The following PBX3 variants were observed in gnomAD, a reference collection of about 807,000 sequenced individuals.
PBX3 encodes pre-B-cell leukemia transcription factor 3.
In PBX3, 14 loss-of-function variants were observed where a neutral mutation model predicts 48.5. The observed-to-expected ratio is 0.29, with a 90% confidence interval of 0.19 to 0.45. The LOEUF (loss-of-function observed/expected upper bound fraction) is 0.45, where lower values mean the gene tolerates loss of function less well. Among genes scored for constraint, PBX3 ranks in the 20% least tolerant of loss-of-function variants. The pLI is 1.00. For missense variants in PBX3, 386 were observed against 546.7 expected (o/e 0.71, Z 2.93); for synonymous variants, 210 against 200.3 (o/e 1.05, Z -0.41).
intron 2 of PBX3, among the ~76,000 whole-genome samples, chr9:125,816,983 T>G (rs1477951415): frequency 6.6e-6 from 1 of 152,220 alleles, no homozygotes; most frequent in African/African-American, 2.4e-5. Flanking sequence ...TTTCTGCAGT[T>G]AATGTATCTG....
At chr9:125,837,594 A>G (rs1588203733) in intron 2 of PBX3, among the ~76,000 whole-genome samples, 2 of 152,220 alleles carry the variant, frequency 1.3e-5, no homozygotes, top group African/African-American at 4.8e-5. Context: ...CTAAATGATA[A>G]TACTTAAGGT....
chr9:125,781,484 C>T lies in PBX3; in HGVS notation c.274+32861C>T, dbSNP rs543325428. On this transcript the variant is annotated intron_variant, in intron 2 of 8. Transcript: ENST00000373489. ...AGATGGCAGCAGTACAGTCCAGCTT[C>T]GGCTAGGCATCAGAGGGAGACCATG... Among the ~76,000 whole-genome samples the T allele has an allele frequency of 2.9e-3, 422 of 144,390 alleles. 1 individual carries two copies. Among genetic ancestry groups the T allele is most frequent in the Middle Eastern group, 7.1e-3 (2 of 282 alleles). The allele number at this position is 144,390 out of a possible 152,430, so 94.7% of individuals were successfully genotyped here. A position where few individuals can be genotyped will look rare whatever the true frequency, so the allele number is the denominator to read the frequency against.
intron 4 of PBX3, among the ~76,000 whole-genome samples, chr9:125,934,385 A>T (rs908638087): frequency 5.9e-5 from 9 of 152,214 alleles, no homozygotes; most frequent in Non-Finnish European, 1.3e-4. Flanking sequence ...TATTTGGAAG[A>T]AAGTATTAAG....
intron 2 of PBX3, among the ~76,000 whole-genome samples, chr9:125,904,735 T>C (rs1423553578): frequency 6.6e-6 from 1 of 151,868 alleles, no homozygotes. Context: ...ACAGGGTGAT[T>C]CCAGGGTATC....
chr9:125,818,541 A>G (rs10986950), intron 2 of PBX3, among the ~76,000 whole-genome samples: 8,996 of 151,972 alleles, frequency 0.059, 613 homozygotes, highest in East Asian at 0.17. Flanking sequence ...GTAGAGACAG[A>G]GTTTCTCCAT....
intron 5 of PBX3, among the ~76,000 whole-genome samples, chr9:125,958,317 C>T (rs1271527781): frequency 2.0e-5 from 3 of 152,180 alleles, no homozygotes; most frequent in Non-Finnish European, 2.9e-5. Context: ...ATGGCTTCCT[C>T]GCTTATATAC....
intron 2 of PBX3, among the ~76,000 whole-genome samples, chr9:125,835,288 G>T (rs1839099964): frequency 6.6e-6 from 1 of 152,140 alleles, no homozygotes; most frequent in Non-Finnish European, 1.5e-5. Flanking sequence ...GTAGGAGGAA[G>T]AGGAGACACA....
chr9:125,900,692 CA>C (rs1840925008), intron 2 of PBX3, among the ~76,000 whole-genome samples: 1 of 151,726 alleles, frequency 6.6e-6, no homozygotes, highest in Non-Finnish European at 1.5e-5. Context: ...TGCGTACACT[CA>C]TGGTATTATT....
At chr9:125,793,366 A>AAAAAAATATATATATATATAT (rs59271982) in intron 2 of PBX3, among the ~76,000 whole-genome samples, 23 of 101,934 alleles carry the variant, frequency 2.3e-4, no homozygotes, top group African/African-American at 8.9e-4. Context: ...GGAAAAAAAA[A>AAAAAAATATATATATATATAT]ATATATATAT....
At chr9:125,775,079 C>G (rs969927113) in intron 2 of PBX3, among the ~76,000 whole-genome samples, 1 of 152,118 alleles carries the variant, frequency 6.6e-6, no homozygotes, top group South Asian at 2.1e-4. Flanking sequence ...GTTGGCCAGG[C>G]TGGTCTCAAA....
At chr9:125,896,731 C>T (rs1840777424) in intron 2 of PBX3, among the ~76,000 whole-genome samples, 1 of 151,960 alleles carries the variant, frequency 6.6e-6, no homozygotes, top group African/African-American at 2.4e-5. Flanking sequence ...TGCCTGATTG[C>T]TGACAAGTTC....
chr9:125,783,423 G>A (rs1332401219), intron 2 of PBX3, among the ~76,000 whole-genome samples: 1 of 152,002 alleles, frequency 6.6e-6, no homozygotes, highest in African/African-American at 2.4e-5. Flanking sequence ...GAGTAGCTGG[G>A]ACTACAGGTG....
intron 5 of PBX3, among the ~76,000 whole-genome samples, chr9:125,940,408 A>G (rs1841935240): frequency 6.6e-6 from 1 of 152,234 alleles, no homozygotes; most frequent in Non-Finnish European, 1.5e-5. Context: ...TTCGTTTAAT[A>G]AACATTTATT....
At chr9:125,848,114 T>A (rs1203074676) in intron 2 of PBX3, among the ~76,000 whole-genome samples, 2 of 152,036 alleles carry the variant, frequency 1.3e-5, no homozygotes, top group Non-Finnish European at 2.9e-5. Context: ...TATTTCCATC[T>A]CTGCTTTAGA....
chr9:125,808,516 A>C (rs1458786797), intron 2 of PBX3, among the ~76,000 whole-genome samples: 1 of 152,118 alleles, frequency 6.6e-6, no homozygotes, highest in Non-Finnish European at 1.5e-5. Flanking sequence ...AATTTAAAAA[A>C]TTAGCCAGGT....
At chr9:125,787,261 GAGA>G (rs1372432059) in intron 2 of PBX3, among the ~76,000 whole-genome samples, 1 of 152,016 alleles carries the variant, frequency 6.6e-6, no homozygotes, top group Non-Finnish European at 1.5e-5. Flanking sequence ...GGCTGATGTA[GAGA>G]AGTTTATAAG....
At chr9:125,965,173 T>A (rs528989379) in intron 8 of PBX3, among the ~76,000 whole-genome samples, 1 of 152,288 alleles carries the variant, frequency 6.6e-6, no homozygotes, top group South Asian at 2.1e-4. Flanking sequence ...TGTTTCTGAG[T>A]ACGGTTATTG....
At chr9:125,895,409 G>A (rs1373246108) in intron 2 of PBX3, among the ~76,000 whole-genome samples, 1 of 151,998 alleles carries the variant, frequency 6.6e-6, no homozygotes, top group Non-Finnish European at 1.5e-5. Context: ...TTGGTGTTTT[G>A]ACCCTAAGGA....
At chr9:125,826,871 G>T (rs149079349) in intron 2 of PBX3, among the ~76,000 whole-genome samples, 103 of 152,156 alleles carry the variant, frequency 6.8e-4, no homozygotes, top group African/African-American at 2.3e-3. Flanking sequence ...ATTTCTCTGT[G>T]TTTGGTAACA....
Sources: allele counts gnomAD v4.1 joint callset (sites outside exome capture counted in the v4.1 genomes callset), GRCh38; gene constraint gnomAD v4.1.1; transcripts MANE v1.5; gene names NCBI Gene and HGNC (gene_info 2026-07-23, HGNC 2026-07-21).